PLCB4: variants seen among roughly 807,000 people sequenced by gnomAD.
PLCB4 encodes the protein 1-phosphatidylinositol 4,5-bisphosphate phosphodiesterase beta-4.
A neutral mutation model predicts 178.8 loss-of-function variants in PLCB4; 77 were observed. That is an observed-to-expected ratio of 0.43 (90% CI 0.36 to 0.52). The LOEUF (loss-of-function observed/expected upper bound fraction) is 0.52, where lower values mean the gene tolerates loss of function less well. Ranked by LOEUF, PLCB4 falls within the 20% of genes least tolerant of loss-of-function variation. The pLI is 0.00. For synonymous variants in PLCB4, 496 were observed against 490.8 expected (o/e 1.01, Z -0.14); for missense variants, 1,024 against 1,453.4 (o/e 0.70, Z 4.80).
chr20:9,266,400 T>G (rs2094349474), intron 3 of PLCB4, among the ~76,000 whole-genome samples: 1 of 152,224 alleles, frequency 6.6e-6, no homozygotes. Flanking sequence ...TTCTCTTACT[T>G]TTGTAATGTG....
At chr20:9,180,972 T>C (rs2093236215) in intron 2 of PLCB4, among the ~76,000 whole-genome samples, 1 of 152,200 alleles carries the variant, frequency 6.6e-6, no homozygotes, top group African/African-American at 2.4e-5. Flanking sequence ...GTGGAGATGA[T>C]AAGTCCCCTG....
At chr20:9,183,428 G>A (rs2093279612) in intron 2 of PLCB4, among the ~76,000 whole-genome samples, 1 of 152,148 alleles carries the variant, frequency 6.6e-6, no homozygotes, top group Admixed American at 6.5e-5. Flanking sequence ...ATGGGGGAAA[G>A]GGCTGTGATA....
At chr20:9,393,301 C>T (rs1294305448) in intron 17 of PLCB4, among the ~76,000 whole-genome samples, 2 of 152,160 alleles carry the variant, frequency 1.3e-5, no homozygotes, top group Non-Finnish European at 2.9e-5. Context: ...AGCAGGAACC[C>T]CTCCCCGGCA....
chr20:9,169,399 C>A (rs903454498), intron 2 of PLCB4, among the ~76,000 whole-genome samples: 9 of 149,752 alleles, frequency 6.0e-5, no homozygotes, highest in African/African-American at 2.2e-4. Flanking sequence ...ACCAGCCAGG[C>A]CAACATGGTG....
chr20:9,131,223 C>G (rs1016871981), intron 2 of PLCB4, among the ~76,000 whole-genome samples: 1 of 152,134 alleles, frequency 6.6e-6, no homozygotes, highest in Non-Finnish European at 1.5e-5. Flanking sequence ...AACCAATTGA[C>G]TAACTGATCG....
intron 7 of PLCB4, among the ~76,000 whole-genome samples, chr20:9,348,218 G>T (rs535679189): frequency 4.1e-4 from 62 of 152,246 alleles, no homozygotes; most frequent in African/African-American, 1.4e-3. Context: ...GACATTAAAG[G>T]TTGAGAGATC....
At chr20:9,362,828 T>G (rs888666191) in intron 7 of PLCB4, 68 bp from the exon 8 acceptor site, 6 of 897,260 alleles carry the variant, frequency 6.7e-6, no homozygotes, top group Non-Finnish European at 9.2e-6. Flanking sequence ...ACAATCTATC[T>G]AATAAAAACT....
intron 8 of PLCB4, 147 bp downstream of exon 8, chr20:9,363,122 C>A: frequency 1.5e-6 from 1 of 670,046 alleles, no homozygotes. Context: ...CAACACACAC[C>A]TGTACTCTTC....
intron 2 of PLCB4, among the ~76,000 whole-genome samples, chr20:9,189,481 A>C (rs562502107): frequency 1.1e-4 from 16 of 146,666 alleles, no homozygotes; most frequent in Admixed American, 7.5e-4. Context: ...GAGGGCTGTC[A>C]TATAGTGACA....
chr20:9,161,042 TACTCTGTGCTG>T (rs2146980335), intron 2 of PLCB4, among the ~76,000 whole-genome samples: 1 of 152,306 alleles, frequency 6.6e-6, no homozygotes, highest in East Asian at 1.9e-4. Flanking sequence ...TCTCAGCACT[TACTCTGTGCTG>T]ACAGATAAAT....
intron 2 of PLCB4, among the ~76,000 whole-genome samples, chr20:9,183,993 C>T (rs2093289689): frequency 6.6e-6 from 1 of 152,170 alleles, no homozygotes; most frequent in African/African-American, 2.4e-5. Context: ...ACGTGAGCTA[C>T]TTTCCCTGCA....
At chr20:9,169,219 T>C (rs2093024259) in intron 2 of PLCB4, among the ~76,000 whole-genome samples, 1 of 152,122 alleles carries the variant, frequency 6.6e-6, no homozygotes, top group African/African-American at 2.4e-5. Context: ...TAACACACAA[T>C]TTTCCAATGT....
At chr20:9,250,367 A>T (rs1190699492) in intron 3 of PLCB4, among the ~76,000 whole-genome samples, 1 of 152,188 alleles carries the variant, frequency 6.6e-6, no homozygotes, top group East Asian at 1.9e-4. Context: ...AAACACTTCT[A>T]AACACATGCA....
At chr20:9,240,482 T>C (rs2094046831) in intron 3 of PLCB4, among the ~76,000 whole-genome samples, 1 of 152,204 alleles carries the variant, frequency 6.6e-6, no homozygotes, top group Admixed American at 6.5e-5. Flanking sequence ...GTAACCATCG[T>C]ATATTGTAAA....
chr20:9,083,683 C>G (rs531141590), intron 1 of PLCB4, among the ~76,000 whole-genome samples: 1 of 152,226 alleles, frequency 6.6e-6, no homozygotes, highest in Admixed American at 6.5e-5. Flanking sequence ...CTGAGGGTCA[C>G]ATGGTTCATC....
chr20:9,215,469 A>G (rs1000414793), intron 2 of PLCB4, among the ~76,000 whole-genome samples: 10 of 152,172 alleles, frequency 6.6e-5, no homozygotes, highest in African/African-American at 2.4e-4. Flanking sequence ...TATGTGGATT[A>G]TAAATGATGA....
intron 2 of PLCB4, among the ~76,000 whole-genome samples, chr20:9,140,531 G>C (rs73609436): frequency 0.023 from 3,450 of 151,900 alleles, 116 homozygotes; most frequent in African/African-American, 0.077. Context: ...ATATGATCCC[G>C]AATGTTGGAG....
intron 28 of PLCB4, among the ~76,000 whole-genome samples, chr20:9,430,317 T>C (rs2041309363): frequency 6.6e-6 from 1 of 152,236 alleles, no homozygotes; most frequent in Non-Finnish European, 1.5e-5. Flanking sequence ...ATTTAGTCCT[T>C]TTGTAATCTC....
chr20:9,259,784 C>G (rs1234846086), intron 3 of PLCB4, among the ~76,000 whole-genome samples: 2 of 151,814 alleles, frequency 1.3e-5, no homozygotes, highest in African/African-American at 4.8e-5. Context: ...AATATATACC[C>G]AACTTTTCAA....
Sources: gnomAD v4.1 joint callset for allele counts (sites outside exome capture counted in the v4.1 genomes callset) on GRCh38, gnomAD v4.1.1 for gene constraint, MANE v1.5 for transcripts, NCBI Gene and HGNC (gene_info 2026-07-23, HGNC 2026-07-21) for gene names.